MYL10: variants seen among roughly 807,000 people sequenced by gnomAD.
MYL10 encodes the protein myosin regulatory light chain 10.
A neutral mutation model predicts 21.9 loss-of-function variants in MYL10; 18 were observed. The ratio of observed to expected loss-of-function variants is 0.82; its 90% CI spans 0.57 to 1.22. The LOEUF (loss-of-function observed/expected upper bound fraction) is 1.22, where lower values mean the gene tolerates loss of function less well. MYL10 is among the 50% of genes most tolerant of loss of function. The probability of loss-of-function intolerance (pLI) is 0.00; values close to 1 mark genes in which losing one functional copy is unlikely to be tolerated. For synonymous variants in MYL10, 88 were observed against 82.8 expected, an observed-to-expected ratio of 1.06 and a Z score of -0.34; for missense variants, 225 against 230.4, an observed-to-expected ratio of 0.98 and a Z score of 0.15.
chr7:101,618,317 G>C (rs1342353822), intron 5 of MYL10, among the ~76,000 whole-genome samples: 1 of 152,200 alleles, frequency 6.6e-6, no homozygotes, highest in Non-Finnish European at 1.5e-5. Context: ...AGGCGGGTGA[G>C]GGTTGAGTGA....
At chr7:101,614,934 C>T (rs1397456357) in intron 6 of MYL10, among the ~76,000 whole-genome samples, 2 of 152,162 alleles carry the variant, frequency 1.3e-5, no homozygotes, top group Non-Finnish European at 1.5e-5. Flanking sequence ...CCCAGGCCAC[C>T]CTCAGGTCCA....
intron 5 of MYL10, 30 bp from the exon 6 acceptor site, chr7:101,616,328 G>C (rs762646362): frequency 1.3e-6 from 2 of 1,591,588 alleles, no homozygotes; most frequent in Non-Finnish European, 1.7e-6. Context: ...GGCAGGGAGA[G>C]AGGCAGGTGA....
In MYL10 at chr7:101,625,147, C is replaced by G. The variant is rs148003323; in HGVS notation, c.79-883G>C. Among the ~76,000 whole-genome samples the G allele has an allele frequency of 3.3e-3, 504 of 152,282 alleles. 1 individual carries two copies. The highest frequency in any genetic ancestry group is 6.8e-3 in the Middle Eastern group (2 of 294). On this transcript the variant is annotated intron_variant, in intron 1 of 7. Coordinates refer to ENST00000223167, the MANE Select transcript of MYL10 (RefSeq NM_138403.5). ...TAGCTGCCCAGAACTCAGGGCCAAC[C>G]CACGCAGCAGGCAAAGCAGGAGGCC...
chr7:101,620,429 G>T (rs568695005), intron 5 of MYL10, among the ~76,000 whole-genome samples: 8 of 152,204 alleles, frequency 5.3e-5, no homozygotes, highest in Non-Finnish European at 1.5e-5. Flanking sequence ...AGCCACCAGA[G>T]GCTGGGAGAG....
rs902559112 is a variant in MYL10, at chr7:101,629,236, G to A, written c.-118C>T. Reference sequence around the variant, plus strand: ...AGGGCATGCGATGGGGGTGTGGCTCGCTTCTTCCATGCCCAGCTGCTCAAA... The same window carrying A: ...AGGGCATGCGATGGGGGTGTGGCTCACTTCTTCCATGCCCAGCTGCTCAAA... On this transcript the variant is annotated 5_prime_UTR_variant, in exon 1 of 8. Transcript: ENST00000223167. 1.7e-5 allele frequency: 5 copies of A among 297,878 alleles called. No homozygotes were observed. Among genetic ancestry groups the A allele is most frequent in the Non-Finnish European group, 2.0e-5 (3 of 153,066 alleles). 18.5% of individuals were successfully genotyped at this position (297,878 alleles called of 1,614,324 possible). A position where few individuals can be genotyped will look rare whatever the true frequency, so the allele number is the denominator to read the frequency against.
At chr7:101,625,602 G>C (rs1286781292) in intron 1 of MYL10, among the ~76,000 whole-genome samples, 1 of 151,706 alleles carries the variant, frequency 6.6e-6, no homozygotes, top group Non-Finnish European at 1.5e-5. Flanking sequence ...AGCCCGCGTC[G>C]TCGAGGGCAG....
chr7:101,616,360 C>T, intron 5 of MYL10, 62 bp from the exon 6 acceptor site: 3 of 1,393,604 alleles, frequency 2.2e-6, no homozygotes, highest in Middle Eastern at 1.9e-4. Flanking sequence ...CAGGGACAGG[C>T]ACAAGGCTGG....
chr7:101,626,905 AG>A (rs1796752902), intron 1 of MYL10, among the ~76,000 whole-genome samples: 1 of 152,196 alleles, frequency 6.6e-6, no homozygotes, highest in Non-Finnish European at 1.5e-5. Flanking sequence ...CATCAGATTA[AG>A]GTCAGGAAGG....
intron 5 of MYL10, among the ~76,000 whole-genome samples, chr7:101,621,307 C>A (rs1796674651): frequency 6.6e-6 from 1 of 152,220 alleles, no homozygotes; most frequent in South Asian, 2.1e-4. Context: ...GGGGTCGTGA[C>A]TCCTCTGGAT....
At chr7:101,628,457 T>TA (rs1260904188) in intron 1 of MYL10, among the ~76,000 whole-genome samples, 1 of 151,750 alleles carries the variant, frequency 6.6e-6, no homozygotes, top group Non-Finnish European at 1.5e-5. Flanking sequence ...TATTGTCTCT[T>TA]AAAAAAAAGA....
At chr7:101,625,628 C>T (rs1343762376) in intron 1 of MYL10, among the ~76,000 whole-genome samples, 1 of 152,084 alleles carries the variant, frequency 6.6e-6, no homozygotes, top group Admixed American at 6.6e-5. Flanking sequence ...GAAGCGCCGG[C>T]TGACTTATAA....
chr7:101,618,844 T>TG (rs1301751461), intron 5 of MYL10, among the ~76,000 whole-genome samples: 2 of 152,226 alleles, frequency 1.3e-5, no homozygotes, highest in Non-Finnish European at 2.9e-5. Context: ...CACCAGGCCC[T>TG]GGATCACAGC....
chr7:101,617,255 T>A (rs931028966), intron 5 of MYL10, among the ~76,000 whole-genome samples: 2 of 152,380 alleles, frequency 1.3e-5, no homozygotes, highest in South Asian at 2.1e-4. Flanking sequence ...GCAGCTAAGA[T>A]AACATACCAT....
At chr7:101,616,797 T>C (rs1203805044) in intron 5 of MYL10, among the ~76,000 whole-genome samples, 1 of 152,128 alleles carries the variant, frequency 6.6e-6, no homozygotes, top group Non-Finnish European at 1.5e-5. Context: ...GGCTGGGGCT[T>C]GGGCAGTGTG....
At chr7:101,628,694 G>C (rs920148359) in intron 1 of MYL10, among the ~76,000 whole-genome samples, 4 of 152,160 alleles carry the variant, frequency 2.6e-5, no homozygotes, top group African/African-American at 9.7e-5. Context: ...CTGTCCATCT[G>C]GGGCCCGCCA....
intron 5 of MYL10, among the ~76,000 whole-genome samples, chr7:101,619,367 C>G (rs1796649051): frequency 6.6e-6 from 1 of 152,180 alleles, no homozygotes; most frequent in African/African-American, 2.4e-5. Context: ...AGTTCAAAGC[C>G]TGCTCCAGAT....
chr7:101,617,898 G>T (rs1474884319), intron 5 of MYL10, among the ~76,000 whole-genome samples: 1 of 141,200 alleles, frequency 7.1e-6, no homozygotes, highest in African/African-American at 2.6e-5. Flanking sequence ...TCAGAGCCAA[G>T]TGTGCTTCCC....
At chr7:101,626,869 C>G (rs1390245058) in intron 1 of MYL10, among the ~76,000 whole-genome samples, 2 of 152,184 alleles carry the variant, frequency 1.3e-5, no homozygotes, top group African/African-American at 4.8e-5. Context: ...GGATCAAGAG[C>G]AAAGAGCAGG....
At chr7:101,624,766 G>T (rs911462868) in intron 1 of MYL10, among the ~76,000 whole-genome samples, 1 of 152,094 alleles carries the variant, frequency 6.6e-6, no homozygotes, top group Admixed American at 6.6e-5. Context: ...TCCCAGAGCT[G>T]CCTTCCCTCC....
Sources: allele counts gnomAD v4.1 joint callset (sites outside exome capture counted in the v4.1 genomes callset), GRCh38; gene constraint gnomAD v4.1.1; transcripts MANE v1.5; gene names NCBI Gene and HGNC (gene_info 2026-07-23, HGNC 2026-07-21).